The following AP1G1 variants were observed in gnomAD, a reference collection of about 807,000 sequenced individuals.
The protein encoded by AP1G1 is adaptor related protein complex 1 subunit gamma 1, also known as AP-1 complex subunit gamma-1.
AP1G1 carries 7 observed loss-of-function variants against 108.3 expected under a neutral mutation model. The ratio of observed to expected loss-of-function variants is 0.06; its 90% CI spans 0.04 to 0.12. The LOEUF (loss-of-function observed/expected upper bound fraction) is 0.12. AP1G1 is among the 10% of genes least tolerant of loss of function. AP1G1 has a pLI of 1.00. For synonymous variants in AP1G1, 379 were observed against 353.5 expected (o/e 1.07, Z -0.81); for missense variants, 756 against 1,010.7 (o/e 0.75, Z 3.42).
intron 2 of AP1G1, among the ~76,000 whole-genome samples, chr16:71,785,219 A>G (rs2032156379): frequency 6.6e-6 from 1 of 152,118 alleles, no homozygotes; most frequent in Admixed American, 6.6e-5. Context: ...TTTAGATTTC[A>G]TAAAATTTAC....
rs1050949486 is a variant in AP1G1, at chr16:71,731,016, G to T, written c.*2042C>A. ...GAAAATAAAGCCTCTACACAAAGAGGAATGTTAAGACAAATTCTATTCAAG... is the reference window on the plus strand; with the variant it reads ...GAAAATAAAGCCTCTACACAAAGAGTAATGTTAAGACAAATTCTATTCAAG... On this transcript the variant is annotated 3_prime_UTR_variant, in exon 23 of 23. Transcript: ENST00000299980. 33 of 152,536 alleles carry T rather than the reference G, an allele frequency of 2.2e-4. No homozygotes were observed. The highest frequency in any genetic ancestry group is 7.7e-4 in the African/African-American group (32 of 41,454). The allele number at this position is 152,536 out of a possible 1,614,324, so 9.4% of individuals were successfully genotyped here.
chr16:71,790,811 C>T (rs7202840), intron 1 of AP1G1, among the ~76,000 whole-genome samples: 34,793 of 152,076 alleles, frequency 0.23, 4,642 homozygotes, highest in Non-Finnish European at 0.31. Flanking sequence ...AAAATCTTTG[C>T]AAACAGGTTA....
At chr16:71,753,968 G>T (rs1485445286) in intron 12 of AP1G1, 81 bp from the exon 13 acceptor site, 2 of 1,336,550 alleles carry the variant, frequency 1.5e-6, no homozygotes, top group South Asian at 1.2e-5. Flanking sequence ...GCCCAAGCAG[G>T]GTGACTCACA....
chr16:71,783,513 C>T (rs1417697921), intron 2 of AP1G1, among the ~76,000 whole-genome samples: 1 of 152,034 alleles, frequency 6.6e-6, no homozygotes, highest in Admixed American at 6.6e-5. Context: ...TGTGTTAAGA[C>T]TTAAAAATCC....
chr16:71,753,980 C>G, intron 12 of AP1G1, 93 bp from the exon 13 acceptor site: 2 of 1,200,862 alleles, frequency 1.7e-6, no homozygotes, highest in Non-Finnish European at 1.2e-6. Context: ...TGACTCACAC[C>G]TGTCATCCCA....
intron 21 of AP1G1, among the ~76,000 whole-genome samples, chr16:71,736,932 T>C (rs1346896275): frequency 6.6e-6 from 1 of 151,946 alleles, no homozygotes; most frequent in Non-Finnish European, 1.5e-5. Context: ...ATTATCATGT[T>C]GCACTGTACA....
intron 16 of AP1G1, chr16:71,747,465 A>T (rs2030242438): frequency 6.6e-6 from 1 of 152,170 alleles, no homozygotes; most frequent in Non-Finnish European, 1.5e-5. Context: ...CTGTAATCCC[A>T]GCTACTCAGG....
At chr16:71,805,761 G>A (rs1007194060) in intron 1 of AP1G1, among the ~76,000 whole-genome samples, 2 of 152,280 alleles carry the variant, frequency 1.3e-5, no homozygotes, top group South Asian at 2.1e-4. Flanking sequence ...TTGGCCAGGT[G>A]AGGTGGCTCA....
intron 6 of AP1G1, chr16:71,767,811 C>A: frequency 6.8e-7 from 1 of 1,477,100 alleles, no homozygotes; most frequent in Non-Finnish European, 9.3e-7. Context: ...ATTTGTGGAT[C>A]GATACACAAA....
intron 12 of AP1G1, among the ~76,000 whole-genome samples, chr16:71,754,823 G>T (rs1013395608): frequency 1.3e-5 from 2 of 151,350 alleles, no homozygotes; most frequent in African/African-American, 4.9e-5. Flanking sequence ...AAAAAAAAAA[G>T]AGGGTACATA....
chr16:71,756,183 A>G (rs774771442), intron 11 of AP1G1, 24 bp from the exon 12 acceptor site: 26 of 1,596,016 alleles, frequency 1.6e-5, no homozygotes, highest in Non-Finnish European at 2.2e-5. Flanking sequence ...AAAATTAAAA[A>G]CAGTTAAGAA....
At position 71,749,951 on chromosome 16, in the gene AP1G1, T is replaced by C; in HGVS notation, c.1440A>G (p.Ile480Met). Residue 480 changes from isoleucine to methionine, a missense_variant, in exon 15 of 23, where the codon ATA (isoleucine) becomes ATG (methionine). Ile to Met is a conservative substitution (Grantham distance 10). Coordinates refer to ENST00000299980, the MANE Select transcript of AP1G1 (RefSeq NM_001128.6). ...ATACAAGAAGATCACCATATTCACC[T>C]ATACACCATGCAGCCACTTGTACCA... is the stretch of plus-strand genomic sequence containing the variant. ...QPLVQVAAWCIGEYGDLLVSG... is the reference protein window; with the variant it reads ...QPLVQVAAWCMGEYGDLLVSG... 6.2e-7 allele frequency: 1 copy of C among 1,613,540 alleles called. No individual in the cohort carries two copies. The highest frequency in any genetic ancestry group is 8.5e-7 in the Non-Finnish European group (1 of 1,179,476).
chr16:71,791,982 G>T (rs535543722), intron 1 of AP1G1, among the ~76,000 whole-genome samples: 2 of 151,930 alleles, frequency 1.3e-5, no homozygotes, highest in South Asian at 4.1e-4. Context: ...GGTTGGTCTC[G>T]AACTCCTGAC....
Position 71,731,114 on chromosome 16 carries a change from A to T in AP1G1, c.*1944T>A, listed in dbSNP as rs139395497. On this transcript the variant is annotated 3_prime_UTR_variant, in exon 23 of 23. Transcript: ENST00000299980. The stretch of plus-strand genomic sequence containing the variant: ...TATCCATCCAATGAAATCAGTCTGC[A>T]AAGAAACCCTTAAAGGCTATTTTTC... The T allele has an allele frequency of 3.9e-5, 6 of 152,722 alleles. No homozygotes were observed. Among genetic ancestry groups the T allele is most frequent in the Non-Finnish European group, 8.8e-5 (6 of 68,034 alleles). 9.5% of individuals were successfully genotyped at this position (152,722 alleles called of 1,614,324 possible).
rs188656092 is a variant in AP1G1 at position 71,763,416 on chromosome 16, A to T, written c.918+934T>A. ...GATACAGACTTTAAGAACACAAAAA[A>T]GTTCTGGAGATAAACTATAGTACTG... On this transcript the variant is annotated intron_variant, in intron 9 of 22. Transcript: ENST00000299980. 2.3e-3 allele frequency among the ~76,000 whole-genome samples: 351 copies of T among 152,342 alleles called. 1 individual carries two copies. The highest frequency in any genetic ancestry group is 4.3e-3 in the Non-Finnish European group (291 of 68,028).
At position 71,734,686 on chromosome 16, in the gene AP1G1, A is replaced by T. The variant is rs1597029283; in HGVS notation, c.2290T>A (p.Ser764Thr). 2 of 1,613,952 alleles carry T rather than the reference A, an allele frequency of 1.2e-6. No individual in the cohort carries two copies. Among genetic ancestry groups the T allele is most frequent in the Non-Finnish European group, 1.7e-6 (2 of 1,179,856 alleles). ...GCTGGGACAATGCTGCTGCTAGGAG[A>T]CAAGAGCTGCAGCTGGAATGTCTAG... ...VPKTFQLQLL[S>T]PSSSIVPAFN... The change falls in exon 22 of 23, where the codon TCT becomes ACT. Residue 764 changes from serine (S) to threonine (T), a missense_variant. Transcript: ENST00000299980.
chr16:71,748,095 CTG>C (rs2030279734), intron 16 of AP1G1, among the ~76,000 whole-genome samples, 154 bp downstream of exon 16: 1 of 152,246 alleles, frequency 6.6e-6, no homozygotes, highest in Admixed American at 6.5e-5. Flanking sequence ...AAATTGATCA[CTG>C]TGACTGTGGA....
At position 71,777,206 on chromosome 16, in the gene AP1G1, C is replaced by T. The variant is rs547780446; in HGVS notation, c.202-2614G>A. 2.1e-5 allele frequency among the ~76,000 whole-genome samples: 3 copies of T among 142,010 alleles called. 1 individual carries two copies. The highest frequency in any genetic ancestry group is 4.6e-4 in the East Asian group (2 of 4,378). The allele number at this position is 142,010 out of a possible 152,430, so 93.2% of individuals were successfully genotyped here. On this transcript the variant is annotated intron_variant, in intron 2 of 22. Transcript: ENST00000299980. ...CAACCCCAGCCCACCCCCAGTCTGG[C>T]GCTGTCTTAGAGGAGGGGATCTGAG... is the stretch of plus-strand genomic sequence containing the variant.
intron 12 of AP1G1, among the ~76,000 whole-genome samples, chr16:71,754,400 T>A (rs1168254492): frequency 6.6e-6 from 1 of 151,718 alleles, no homozygotes; most frequent in Non-Finnish European, 1.5e-5. Flanking sequence ...GAGAAGAAAA[T>A]CCTGTCCTAC....
Sources: gnomAD v4.1 joint callset for allele counts (sites outside exome capture counted in the v4.1 genomes callset) on GRCh38, gnomAD v4.1.1 for gene constraint, MANE v1.5 for transcripts, NCBI Gene and HGNC (gene_info 2026-07-23, HGNC 2026-07-21) for gene names.